The following SH3RF2 variants were observed in gnomAD, a reference collection of about 807,000 sequenced individuals.
The protein encoded by SH3RF2 is E3 ubiquitin-protein ligase SH3RF2.
SH3RF2 carries 43 observed loss-of-function variants against 59.0 expected under a neutral mutation model. The ratio of observed to expected loss-of-function variants is 0.73; its 90% CI spans 0.57 to 0.94. The LOEUF (loss-of-function observed/expected upper bound fraction) is 0.94. Among genes scored for constraint, SH3RF2 ranks in the 40% least tolerant of loss-of-function variants. The pLI is 0.00. For missense variants in SH3RF2, 930 were observed against 940.1 expected (o/e 0.99, Z 0.14); for synonymous variants, 391 against 391.5 (o/e 1.00, Z 0.01).
At chr5:145,959,838 G>A (rs2149952983) in intron 2 of SH3RF2, among the ~76,000 whole-genome samples, 1 of 152,116 alleles carries the variant, frequency 6.6e-6, no homozygotes, top group South Asian at 2.1e-4. Context: ...TGCTGTAGTT[G>A]GAGGTCAACC....
chr5:146,037,247 G>T (rs1002541489), intron 5 of SH3RF2, among the ~76,000 whole-genome samples: 4 of 152,108 alleles, frequency 2.6e-5, no homozygotes, highest in Admixed American at 2.0e-4. Context: ...CGTAGATAAG[G>T]AAACAAGGCT....
intron 2 of SH3RF2, chr5:145,997,188 C>A (rs1469150977): frequency 5.2e-6 from 4 of 766,086 alleles, no homozygotes; most frequent in African/African-American, 3.5e-5. Context: ...TTACCATTGT[C>A]AATGTCTCAG....
intron 5 of SH3RF2, among the ~76,000 whole-genome samples, chr5:146,044,731 G>A (rs940475750): frequency 1.1e-4 from 17 of 151,784 alleles, no homozygotes; most frequent in African/African-American, 3.9e-4. Flanking sequence ...CCATTCTCAG[G>A]GTCTTCCACT....
At chr5:145,997,427 T>C in intron 2 of SH3RF2, 1 of 1,385,506 alleles carries the variant, frequency 7.2e-7, no homozygotes, top group Non-Finnish European at 1.0e-6. Context: ...CTGGTCATTA[T>C]ACTGGCTGGT....
chr5:146,010,015 C>T (rs1324341539), intron 4 of SH3RF2, among the ~76,000 whole-genome samples: 2 of 152,162 alleles, frequency 1.3e-5, no homozygotes, highest in Admixed American at 6.5e-5. Context: ...TCTCCTAATG[C>T]TATCCCTCCC....
Position 146,059,960 on chromosome 5 carries a change from G to C in SH3RF2, c.1650G>C (p.Gln550His), listed in dbSNP as rs1411094008. 1 of 1,560,582 alleles carries C rather than the reference G, an allele frequency of 6.4e-7. No individual in the cohort carries two copies. Among genetic ancestry groups the C allele is most frequent in the Admixed American group, 1.9e-5 (1 of 53,016 alleles). Residue 550 changes from glutamine (Q) to histidine (H), a missense_variant, in exon 9 of 10, where the codon CAG (glutamine) becomes CAC (histidine). Physicochemically the swap from Gln to His is conservative, Grantham distance 24. Coordinates refer to ENST00000359120, the MANE Select transcript of SH3RF2 (RefSeq NM_152550.4). ...RSPTMVLRPQ[Q>H]FQFYQPQGIP... ...CCACCATGGTCCTTCGGCCTCAGCA[G>C]TTCCAATTCTACCAGCCACAGGGGA...
intron 1 of SH3RF2, chr5:145,937,125 G>A (rs1384467589): frequency 6.6e-6 from 1 of 151,746 alleles, no homozygotes; most frequent in Non-Finnish European, 1.5e-5. Context: ...TTACCTTGTG[G>A]GAGGAACATT....
chr5:146,046,546 A>G (rs376940011), intron 5 of SH3RF2, among the ~76,000 whole-genome samples: 1 of 152,174 alleles, frequency 6.6e-6, no homozygotes, highest in Admixed American at 6.5e-5. Flanking sequence ...AGGTAGGAAG[A>G]CCTTTTCATT....
intron 5 of SH3RF2, among the ~76,000 whole-genome samples, chr5:146,046,841 G>C (rs1184522781): frequency 6.6e-6 from 1 of 151,610 alleles, no homozygotes; most frequent in Non-Finnish European, 1.5e-5. Context: ...ATGGCTCACT[G>C]TAACCTTGAC....
At chr5:145,989,984 G>T (rs780100868) in intron 2 of SH3RF2, among the ~76,000 whole-genome samples, 1 of 152,194 alleles carries the variant, frequency 6.6e-6, no homozygotes, top group Non-Finnish European at 1.5e-5. Flanking sequence ...TTTTTATGAA[G>T]TTGGTTGTTT....
chr5:146,025,005 G>C (rs1021920538), intron 5 of SH3RF2, among the ~76,000 whole-genome samples: 2 of 152,150 alleles, frequency 1.3e-5, no homozygotes, highest in Non-Finnish European at 1.5e-5. Context: ...TATTTCATTA[G>C]GGGTTGCAAA....
At chr5:145,991,386 C>T (rs1365081151) in intron 2 of SH3RF2, among the ~76,000 whole-genome samples, 1 of 152,150 alleles carries the variant, frequency 6.6e-6, no homozygotes, top group Non-Finnish European at 1.5e-5. Context: ...ATGTCTGTGG[C>T]CTGGCAGAAC....
intron 2 of SH3RF2, among the ~76,000 whole-genome samples, chr5:145,958,771 G>T (rs1309198003): frequency 6.6e-6 from 1 of 152,076 alleles, no homozygotes; most frequent in Non-Finnish European, 1.5e-5. Context: ...TTTGCTTCTT[G>T]CCCGGGCCAT....
chr5:145,993,745 TC>T (rs1405368878), intron 2 of SH3RF2, among the ~76,000 whole-genome samples: 1 of 151,390 alleles, frequency 6.6e-6, no homozygotes, highest in African/African-American at 2.4e-5. Context: ...CACTTTTTCC[TC>T]CTAGGCCTCC....
In SH3RF2 at chr5:145,964,381, G is replaced by A. The variant is rs551871434; in HGVS notation, c.378+26075G>A. 8.6e-4 allele frequency among the ~76,000 whole-genome samples: 125 copies of A among 144,864 alleles called. 1 individual carries two copies. Among genetic ancestry groups the A allele is most frequent in the Non-Finnish European group, 1.5e-3 (103 of 66,572 alleles). On this transcript the variant is annotated intron_variant, in intron 2 of 9. Coordinates refer to ENST00000359120, the MANE Select transcript of SH3RF2 (RefSeq NM_152550.4). ...GAGTGCAGTGGCGCCATCTCAGCTC[G>A]CTGCAACCTCCACCTCCTGGATTCA...
intron 5 of SH3RF2, among the ~76,000 whole-genome samples, chr5:146,019,565 T>A (rs925423128): frequency 6.6e-6 from 1 of 152,180 alleles, no homozygotes; most frequent in South Asian, 2.1e-4. Flanking sequence ...ATTTTTTCTT[T>A]TTGTTTAGAA....
intron 6 of SH3RF2, among the ~76,000 whole-genome samples, chr5:146,048,857 A>G (rs991679517): frequency 2.6e-5 from 4 of 152,120 alleles, no homozygotes; most frequent in African/African-American, 9.7e-5. Context: ...GTATTTCACC[A>G]TGTTGGCCAG....
intron 2 of SH3RF2, among the ~76,000 whole-genome samples, chr5:145,974,731 T>C (rs1183824125): frequency 2.0e-5 from 3 of 152,174 alleles, no homozygotes; most frequent in African/African-American, 7.2e-5. Context: ...TTGTTTCTGC[T>C]ACACTCTATA....
intron 2 of SH3RF2, among the ~76,000 whole-genome samples, chr5:145,985,540 G>C (rs1370829098): frequency 6.6e-6 from 1 of 152,146 alleles, no homozygotes; most frequent in Non-Finnish European, 1.5e-5. Flanking sequence ...ATACACAAAA[G>C]TGGAGAGAAT....
Sources: gnomAD v4.1 joint callset for allele counts (sites outside exome capture counted in the v4.1 genomes callset) on GRCh38, gnomAD v4.1.1 for gene constraint, MANE v1.5 for transcripts, NCBI Gene and HGNC (gene_info 2026-07-23, HGNC 2026-07-21) for gene names.